ADCY8: variants seen among roughly 807,000 people sequenced by gnomAD.
ADCY8 encodes the protein adenylate cyclase 8.
Under a neutral mutation model 119.7 loss-of-function variants are expected in ADCY8, and 51 were observed. That is an observed-to-expected ratio of 0.43 (90% CI 0.34 to 0.54). The LOEUF is 0.54. ADCY8 is among the 20% of genes least tolerant of loss of function. ADCY8 has a pLI of 0.03. For synonymous variants in ADCY8, 665 were observed against 651.0 expected (o/e 1.02, Z -0.33); for missense variants, 1,383 against 1,598.8 (o/e 0.87, Z 2.30).
intron 15 of ADCY8, among the ~76,000 whole-genome samples, 193 bp from the exon 16 acceptor site, chr8:130,785,668 G>A (rs1306175734): frequency 6.6e-6 from 1 of 152,232 alleles, no homozygotes; most frequent in Non-Finnish European, 1.5e-5. Context: ...TAAGGGTCAG[G>A]AGTGGAGATG....
At chr8:130,841,687 AC>A (rs1342169510) in intron 11 of ADCY8, among the ~76,000 whole-genome samples, 2 of 152,226 alleles carry the variant, frequency 1.3e-5, no homozygotes, top group East Asian at 3.9e-4. Flanking sequence ...CATAAGTCAG[AC>A]AAACTGGACT....
At chr8:130,898,090 T>C (rs35874367) in intron 7 of ADCY8, among the ~76,000 whole-genome samples, 74,027 of 151,970 alleles carry the variant, frequency 0.49, 19,131 homozygotes, top group East Asian at 0.63. Context: ...GCCACAAAGA[T>C]GGAAGCAGTG....
intron 2 of ADCY8, among the ~76,000 whole-genome samples, chr8:130,962,689 C>A (rs1821640881): frequency 6.6e-6 from 1 of 152,228 alleles, no homozygotes; most frequent in African/African-American, 2.4e-5. Context: ...GGTATCAGCG[C>A]AGCCCTGTGA....
chr8:130,806,694 C>T (rs1215796984), intron 14 of ADCY8, among the ~76,000 whole-genome samples: 3 of 152,110 alleles, frequency 2.0e-5, no homozygotes, highest in Admixed American at 6.5e-5. Flanking sequence ...CTCAGGCAAT[C>T]GCAAGGGAAT....
intron 1 of ADCY8, among the ~76,000 whole-genome samples, chr8:131,019,999 C>T (rs1235932671): frequency 1.3e-5 from 2 of 152,030 alleles, no homozygotes; most frequent in Non-Finnish European, 2.9e-5. Flanking sequence ...GAGGGAAGAA[C>T]ATCTTGGGCA....
At chr8:131,019,309 C>A (rs1823577552) in intron 1 of ADCY8, among the ~76,000 whole-genome samples, 1 of 152,166 alleles carries the variant, frequency 6.6e-6, no homozygotes. Context: ...ATGATACCAT[C>A]TATTTAAAGG....
chr8:130,941,810 T>C (rs749006464), intron 4 of ADCY8, among the ~76,000 whole-genome samples: 35 of 152,218 alleles, frequency 2.3e-4, no homozygotes, highest in Middle Eastern at 3.2e-3. Flanking sequence ...TCTTCACAAA[T>C]ACAGAGTAAC....
intron 12 of ADCY8, among the ~76,000 whole-genome samples, chr8:130,831,571 A>G (rs1816835777): frequency 6.6e-6 from 1 of 152,228 alleles, no homozygotes. Context: ...AGCTCATTTG[A>G]GAAAAGACGT....
intron 2 of ADCY8, among the ~76,000 whole-genome samples, chr8:130,955,090 G>A (rs1347672452): frequency 6.6e-6 from 1 of 152,156 alleles, no homozygotes; most frequent in Non-Finnish European, 1.5e-5. Context: ...GATACATAGA[G>A]AGTAAGACAG....
chr8:130,973,949 A>T (rs1821996714), intron 2 of ADCY8, among the ~76,000 whole-genome samples: 1 of 152,250 alleles, frequency 6.6e-6, no homozygotes. Context: ...AAATGAAGAA[A>T]TTTGCTCAAG....
chr8:130,893,161 C>T (rs567161953), intron 7 of ADCY8, among the ~76,000 whole-genome samples: 1 of 152,296 alleles, frequency 6.6e-6, no homozygotes, highest in Admixed American at 6.5e-5. Context: ...TTAGATCCGA[C>T]CACTTTGACG....
At chr8:130,828,037 T>C (rs551616386) in intron 12 of ADCY8, among the ~76,000 whole-genome samples, 84 of 152,144 alleles carry the variant, frequency 5.5e-4, no homozygotes, top group African/African-American at 2.0e-3. Context: ...CTGGAAGAGG[T>C]TCTGGAGCAA....
intron 2 of ADCY8, among the ~76,000 whole-genome samples, chr8:130,989,871 C>T (rs1380226071): frequency 6.6e-6 from 1 of 152,212 alleles, no homozygotes; most frequent in East Asian, 1.9e-4. Context: ...TGCAATCCAA[C>T]TTCTTTTCCT....
At chr8:131,019,118 T>C (rs1011255870) in intron 1 of ADCY8, among the ~76,000 whole-genome samples, 3 of 152,150 alleles carry the variant, frequency 2.0e-5, no homozygotes, top group South Asian at 4.1e-4. Flanking sequence ...ATTGACGGTA[T>C]TGTTGGTATT....
At chr8:130,986,097 T>C (rs1192002593) in intron 2 of ADCY8, among the ~76,000 whole-genome samples, 1 of 152,190 alleles carries the variant, frequency 6.6e-6, no homozygotes, top group Non-Finnish European at 1.5e-5. Flanking sequence ...AACTACTAAA[T>C]TAGAATCTAA....
At chr8:130,926,968 C>T (rs1820490541) in intron 5 of ADCY8, among the ~76,000 whole-genome samples, 1 of 140,786 alleles carries the variant, frequency 7.1e-6, no homozygotes, top group South Asian at 2.2e-4. Context: ...TATACACACA[C>T]CACATTTTTC....
At chr8:130,974,954 C>T (rs1421508150) in intron 2 of ADCY8, among the ~76,000 whole-genome samples, 6 of 152,216 alleles carry the variant, frequency 3.9e-5, no homozygotes, top group East Asian at 1.9e-4. Flanking sequence ...ATCTAGAAGG[C>T]GACATACCTC....
At chr8:131,003,206 T>TCACACACACACACA (rs1554624274) in intron 1 of ADCY8, among the ~76,000 whole-genome samples, 15 of 137,586 alleles carry the variant, frequency 1.1e-4, no homozygotes, top group African/African-American at 2.8e-4. Context: ...TGAAACACCA[T>TCACACACACACACA]CACACACACA....
At chr8:130,952,036 C>G (rs1419742392) in intron 2 of ADCY8, 38 bp from the exon 3 acceptor site, 1 of 1,608,284 alleles carries the variant, frequency 6.2e-7, no homozygotes, top group East Asian at 2.2e-5. Flanking sequence ...GTTAGGCTGA[C>G]CAGCGAGTCT....
Sources: gnomAD v4.1 joint callset for allele counts (sites outside exome capture counted in the v4.1 genomes callset) on GRCh38, gnomAD v4.1.1 for gene constraint, MANE v1.5 for transcripts, NCBI Gene and HGNC (gene_info 2026-07-23, HGNC 2026-07-21) for gene names.